Variants in MID2 observed in about 807,000 individuals in gnomAD.
The protein encoded by MID2 is midline 2.
A neutral mutation model predicts 46.1 loss-of-function variants in MID2; 13 were observed. The observed-to-expected ratio is 0.28, with a 90% confidence interval of 0.18 to 0.45. The LOEUF (loss-of-function observed/expected upper bound fraction) is 0.45. MID2 is among the 20% of genes least tolerant of loss of function. The pLI is 1.00. For synonymous variants in MID2, 199 were observed against 212.3 expected (o/e 0.94, Z 0.55); for missense variants, 431 against 575.4 (o/e 0.75, Z 2.57).
At chrX:107,847,719 G>A (rs1967162889) in intron 2 of MID2, among the ~76,000 whole-genome samples, 1 of 111,551 alleles carries the variant, frequency 9.0e-6, no homozygotes, top group African/African-American at 3.3e-5. Flanking sequence ...CAAGCACCCG[G>A]ATAGGTATTA....
chrX:107,909,503 G>T (rs1458199149), intron 5 of MID2, among the ~76,000 whole-genome samples: 1 of 111,548 alleles, frequency 9.0e-6, no homozygotes, highest in Non-Finnish European at 1.9e-5. Flanking sequence ...TTCCTCTCTG[G>T]TACTATGTCC....
At chrX:107,889,759 C>G (rs1394159717) in intron 3 of MID2, among the ~76,000 whole-genome samples, 2 of 112,242 alleles carry the variant, frequency 1.8e-5, no homozygotes, top group African/African-American at 3.2e-5. Context: ...GTACACCAAT[C>G]AGACGTAGAT....
intron 1 of MID2, among the ~76,000 whole-genome samples, chrX:107,835,038 T>G (rs970764002): frequency 9.0e-6 from 1 of 111,250 alleles, no homozygotes; most frequent in Non-Finnish European, 1.9e-5. Flanking sequence ...TCATCCCCCA[T>G]CCTCCCCTGC....
At chrX:107,905,394 T>G in intron 4 of MID2, 84 bp from the exon 5 acceptor site, 6 of 765,368 alleles carry the variant, frequency 7.8e-6, no homozygotes, top group Non-Finnish European at 9.6e-6. Flanking sequence ...CACTGCAGCA[T>G]GCCTCCTTCA....
At chrX:107,910,814 T>C (rs1410369442) in intron 5 of MID2, among the ~76,000 whole-genome samples, 2 of 35,545 alleles carry the variant, frequency 5.6e-5, no homozygotes, top group Non-Finnish European at 8.3e-5. Flanking sequence ...TTTCCTTTCC[T>C]TTCCTTTCCT....
At position 107,841,769 on chromosome X, in the gene MID2, A is replaced by G. The variant is rs148117734; in HGVS notation, c.720+384A>G. Among the ~76,000 whole-genome samples the G allele has an allele frequency of 4.2e-3, 477 of 112,504 alleles. 2 individuals are homozygous for G. Among genetic ancestry groups the G allele is most frequent in the Non-Finnish European group, 5.6e-3 (298 of 53,292 alleles). ...TGTACTACAATTAGCATATGTGTCGATTTGCATATGTAGGTATATGGCAAT... is the reference window on the plus strand; with the variant it reads ...TGTACTACAATTAGCATATGTGTCGGTTTGCATATGTAGGTATATGGCAAT... On this transcript the variant is annotated intron_variant, in intron 2 of 9. Coordinates refer to ENST00000262843, the MANE Select transcript of MID2 (RefSeq NM_012216.4).
At chrX:107,877,232 A>C (rs926893955) in intron 3 of MID2, among the ~76,000 whole-genome samples, 1 of 112,140 alleles carries the variant, frequency 8.9e-6, no homozygotes, top group Non-Finnish European at 1.9e-5. Flanking sequence ...GTCCAACTAC[A>C]CGATGGTATT....
At chrX:107,847,262 C>T (rs1215031193) in intron 2 of MID2, among the ~76,000 whole-genome samples, 1 of 111,748 alleles carries the variant, frequency 8.9e-6, no homozygotes, top group East Asian at 2.8e-4. Context: ...CAATCCCAGT[C>T]CTAAAGGGAC....
chrX:107,920,838 T>C (rs1045274935), intron 7 of MID2, among the ~76,000 whole-genome samples: 7 of 112,302 alleles, frequency 6.2e-5, no homozygotes, highest in Non-Finnish European at 9.4e-5. Flanking sequence ...TCCTTTAGCA[T>C]TTGCTAACAT....
chrX:107,886,340 T>C (rs1932452679), intron 3 of MID2, among the ~76,000 whole-genome samples: 1 of 112,235 alleles, frequency 8.9e-6, no homozygotes, highest in African/African-American at 3.2e-5. Flanking sequence ...TTTCTACCTA[T>C]GGCTAGCCAG....
chrX:107,876,109 G>C (rs762295532), intron 3 of MID2, among the ~76,000 whole-genome samples: 13 of 111,383 alleles, frequency 1.2e-4, no homozygotes, highest in Non-Finnish European at 2.1e-4. Flanking sequence ...AAAATGTCCT[G>C]GCATACTATA....
chrX:107,827,651 AG>A (rs1930985239), intron 1 of MID2, among the ~76,000 whole-genome samples: 1 of 110,637 alleles, frequency 9.0e-6, no homozygotes, highest in South Asian at 3.9e-4. Flanking sequence ...TTCCAATAGA[AG>A]GGAGTTGCTG....
At chrX:107,864,116 G>A (rs1386699003) in intron 3 of MID2, among the ~76,000 whole-genome samples, 2 of 112,500 alleles carry the variant, frequency 1.8e-5, no homozygotes, top group Non-Finnish European at 1.9e-5. Flanking sequence ...GTGCAGCCTA[G>A]TGGAGAAGTT....
chrX:107,850,724 G>C (rs1261289181), intron 2 of MID2, among the ~76,000 whole-genome samples: 3 of 111,964 alleles, frequency 2.7e-5, no homozygotes, highest in African/African-American at 9.7e-5. Context: ...AACTCAAGGC[G>C]CATAGTCTAA....
chrX:107,833,824 C>T (rs1931144507), intron 1 of MID2, among the ~76,000 whole-genome samples: 2 of 111,226 alleles, frequency 1.8e-5, no homozygotes, highest in South Asian at 7.7e-4. Context: ...GACAAAGTCT[C>T]ATGCTGTCAC....
intron 7 of MID2, among the ~76,000 whole-genome samples, chrX:107,919,296 T>G (rs2147872671): frequency 9.0e-6 from 1 of 111,693 alleles, no homozygotes; most frequent in East Asian, 2.8e-4. Context: ...CTCTACTTTA[T>G]AGATGAAGAA....
intron 3 of MID2, among the ~76,000 whole-genome samples, chrX:107,886,254 A>G (rs1932449672): frequency 1.8e-5 from 2 of 112,256 alleles, no homozygotes; most frequent in Non-Finnish European, 3.8e-5. Context: ...TTATGCTTTT[A>G]GGTCTAACAT....
Position 107,905,602 on chromosome X carries a change from A to G in MID2, c.1049A>G (p.Gln350Arg). ...LKENDQARFL[Q>R]SAKNIAERVA... ...GAAAATGACCAGGCACGGTTTCTAC[A>G]GTCTGCAAAAAATATTGCTGAGAGG... is the stretch of plus-strand genomic sequence containing the variant. The change falls in exon 5 of 10, where the codon CAG becomes CGG. Residue 350 changes from glutamine (Q) to arginine (R), a missense_variant. Gln to Arg is a conservative substitution (Grantham distance 43). Transcript: ENST00000262843. 1 of 1,201,879 alleles carries G rather than the reference A, an allele frequency of 8.3e-7. No homozygotes were observed. The highest frequency in any genetic ancestry group is 1.1e-6 in the Non-Finnish European group (1 of 891,606).
chrX:107,880,463 G>C, intron 3 of MID2, among the ~76,000 whole-genome samples: 1 of 111,044 alleles, frequency 9.0e-6, no homozygotes, highest in Non-Finnish European at 1.9e-5. Flanking sequence ...GGTGGGAGTG[G>C]TTAGTCATTG....
Sources: allele counts gnomAD v4.1 joint callset (sites outside exome capture counted in the v4.1 genomes callset), GRCh38; gene constraint gnomAD v4.1.1; transcripts MANE v1.5; gene names NCBI Gene and HGNC (gene_info 2026-07-23, HGNC 2026-07-21).